The following AOX1 variants were observed in gnomAD, a reference collection of about 807,000 sequenced individuals.
AOX1 encodes the protein aldehyde oxidase.
Under a neutral mutation model 169.5 loss-of-function variants are expected in AOX1, and 153 were observed. That is an observed-to-expected ratio of 0.90 (90% CI 0.79 to 1.03). The LOEUF is 1.03. Ranked by LOEUF, AOX1 falls within the 50% of genes least tolerant of loss-of-function variation. The probability of loss-of-function intolerance (pLI) is 0.00; values close to 1 mark genes in which losing one functional copy is unlikely to be tolerated. For synonymous variants in AOX1, 562 were observed against 581.9 expected (o/e 0.97, Z 0.49); for missense variants, 1,656 against 1,663.9 (o/e 1.00, Z 0.08).
chr2:200,654,204 C>A (rs978032253), intron 26 of AOX1, among the ~76,000 whole-genome samples: 1 of 83,958 alleles, frequency 1.2e-5, no homozygotes, highest in African/African-American at 4.5e-5. Context: ...GAGACCCTGT[C>A]TCAAAAAAAA....
intron 15 of AOX1, 48 bp from the exon 16 acceptor site, chr2:200,615,923 T>G (rs376863047): frequency 5.0e-5 from 70 of 1,387,320 alleles, no homozygotes; most frequent in Non-Finnish European, 6.8e-5. Flanking sequence ...AAAATCATTC[T>G]GGTGCATTCA....
At chr2:200,590,069 T>G (rs2034136660) in intron 1 of AOX1, among the ~76,000 whole-genome samples, 1 of 152,184 alleles carries the variant, frequency 6.6e-6, no homozygotes, top group Admixed American at 6.5e-5. Context: ...TAACTGCATC[T>G]CACAGCATAC....
intron 12 of AOX1, among the ~76,000 whole-genome samples, chr2:200,610,014 A>C (rs2034601830): frequency 6.6e-6 from 1 of 151,836 alleles, no homozygotes; most frequent in Non-Finnish European, 1.5e-5. Flanking sequence ...AATATGGACT[A>C]GTTTTCTATC....
At chr2:200,629,896 C>A (rs188471763) in intron 20 of AOX1, among the ~76,000 whole-genome samples, 136 of 152,040 alleles carry the variant, frequency 8.9e-4, no homozygotes, top group African/African-American at 3.2e-3. Context: ...GCTGCATACC[C>A]CATTGATAAG....
chr2:200,645,017 C>T (rs765962246), intron 25 of AOX1, among the ~76,000 whole-genome samples: 3 of 152,092 alleles, frequency 2.0e-5, no homozygotes, highest in Non-Finnish European at 4.4e-5. Flanking sequence ...TTCTCTTTAC[C>T]GATTTGGATG....
chr2:200,586,254 A>G, intron 1 of AOX1, 101 bp downstream of exon 1: 1 of 1,232,736 alleles, frequency 8.1e-7, no homozygotes, highest in Non-Finnish European at 1.1e-6. Context: ...CCGCCGTTTA[A>G]GGCACTCAGG....
chr2:200,661,420 A>C (rs573949191), intron 29 of AOX1, among the ~76,000 whole-genome samples, 159 bp from the exon 30 acceptor site: 1 of 152,334 alleles, frequency 6.6e-6, no homozygotes, highest in African/African-American at 2.4e-5. Flanking sequence ...GCCGTGAACC[A>C]CAGAGGAGAA....
intron 10 of AOX1, among the ~76,000 whole-genome samples, chr2:200,608,310 A>G (rs944413705): frequency 5.9e-5 from 9 of 152,248 alleles, no homozygotes; most frequent in African/African-American, 1.9e-4. Flanking sequence ...CAACTATTCA[A>G]TGAAGGATAC....
chr2:200,610,899 G>A (rs1381547527), intron 12 of AOX1, among the ~76,000 whole-genome samples: 1 of 151,794 alleles, frequency 6.6e-6, no homozygotes, highest in Non-Finnish European at 1.5e-5. Flanking sequence ...TGTCATCCAG[G>A]CTGGAGTGCA....
In AOX1 at chr2:200,611,371, T is replaced by C; in HGVS notation, c.1154-13T>C. On this transcript the variant is annotated splice_polypyrimidine_tract_variant and intron_variant, in intron 12 of 34. Transcript: ENST00000374700. ...CAAACAGATCCCAGGGAAAGTGTCA[T>C]TTCTTTCCACAGAAGGAAAACGACA... 6.3e-7 allele frequency: 1 copy of C among 1,585,398 alleles called. No individual in the cohort carries two copies. The highest frequency in any genetic ancestry group is 8.7e-7 in the Non-Finnish European group (1 of 1,154,058).
At chr2:200,620,198 A>AGTTTTTTTTTTTTT (rs370920216) in intron 16 of AOX1, among the ~76,000 whole-genome samples, 1 of 120,912 alleles carries the variant, frequency 8.3e-6, no homozygotes. Flanking sequence ...ATTAATAGTG[A>AGTTTTTTTTTTTTT]CTTTTTTTTT....
At chr2:200,648,637 G>C (rs1408654722) in intron 25 of AOX1, among the ~76,000 whole-genome samples, 2 of 152,128 alleles carry the variant, frequency 1.3e-5, no homozygotes, top group African/African-American at 2.4e-5. Context: ...CGGTGGGCAG[G>C]GCCCTAGAAC....
rs150685936 is a variant in AOX1 at position 200,669,619 on chromosome 2, C to T, written c.3843C>T (p.Phe1281=). 102 of 1,613,716 alleles carry T rather than the reference C, an allele frequency of 6.3e-5. No individual in the cohort carries two copies. The highest frequency in any genetic ancestry group is 8.9e-5 in the East Asian group (4 of 44,856). ...SGVFLGCSVF[F]AIHDAVSAAR... is the part of the protein sequence containing the mutation. ...TGTTCCTGGGGTGTTCCGTGTTTTTCGCTATCCATGACGCAGTGAGTGCAG... is the reference window on the plus strand; with the variant it reads ...TGTTCCTGGGGTGTTCCGTGTTTTTTGCTATCCATGACGCAGTGAGTGCAG... Residue 1281 remains phenylalanine, a synonymous_variant, in exon 34 of 35, where the codon TTC becomes TTT. Transcript: ENST00000374700.
Position 200,621,293 on chromosome 2 carries a change from C to T in AOX1, c.2001+47C>T, listed in dbSNP as rs201218516. 3.9e-4 allele frequency: 620 copies of T among 1,594,506 alleles called. 1 individual carries two copies. Among genetic ancestry groups the T allele is most frequent in the South Asian group, 3.3e-3 (293 of 88,078 alleles). On this transcript the variant is annotated intron_variant, in intron 18 of 34. Transcript: ENST00000374700. ...TTTGAAAAATAACTTTCTCAGTTAA[C>T]GGTGCTTCATATTTTCTTAAAGATA...
At chr2:200,637,612 T>C (rs1332309155) in intron 22 of AOX1, among the ~76,000 whole-genome samples, 1 of 152,120 alleles carries the variant, frequency 6.6e-6, no homozygotes, top group Non-Finnish European at 1.5e-5. Context: ...TATGTATATA[T>C]GTGTATATAT....
Position 200,586,067 on chromosome 2 carries a change from C to T in AOX1, c.-42C>T. 1 of 1,547,388 alleles carries T rather than the reference C, an allele frequency of 6.5e-7. No homozygotes were observed. The highest frequency in any genetic ancestry group is 8.7e-7 in the Non-Finnish European group (1 of 1,146,758). ...AGGTGCCCGCTACTTCCCAGAACCTCCGCCTCCCGCTCCGGGCCCTCGAAC... is the reference window on the plus strand; with the variant it reads ...AGGTGCCCGCTACTTCCCAGAACCTTCGCCTCCCGCTCCGGGCCCTCGAAC... On this transcript the variant is annotated 5_prime_UTR_variant, in exon 1 of 35. Transcript: ENST00000374700.
chr2:200,638,089 C>T (rs916685848), intron 22 of AOX1, 126 bp from the exon 23 acceptor site: 2 of 757,134 alleles, frequency 2.6e-6, no homozygotes, highest in Non-Finnish European at 4.4e-6. Context: ...GATAGGCATG[C>T]GAAATAGTTG....
In AOX1 at chr2:200,668,585, G is replaced by A. The variant is rs369512479; in HGVS notation, c.3610-30G>A. On this transcript the variant is annotated intron_variant, in intron 32 of 34. Transcript: ENST00000374700. Reference sequence around the variant, plus strand: ...TAGTGTTGACTGTGTTTTCTCATACGTGGAAATTCTTTTTTTGTTCTTGCC... The same window carrying A: ...TAGTGTTGACTGTGTTTTCTCATACATGGAAATTCTTTTTTTGTTCTTGCC... The A allele has an allele frequency of 1.7e-4, 272 of 1,575,166 alleles. 3 individuals carry two copies. The East Asian group carries it at 5.6e-3, about 32-fold the overall frequency.
chr2:200,623,823 CT>C (rs1360423450), intron 18 of AOX1, 37 bp from the exon 19 acceptor site: 1 of 1,612,080 alleles, frequency 6.2e-7, no homozygotes, highest in Non-Finnish European at 8.5e-7. Context: ...GACCTGATGC[CT>C]GCCCTCCTTG....
Sources: gnomAD v4.1 joint callset for allele counts (sites outside exome capture counted in the v4.1 genomes callset) on GRCh38, gnomAD v4.1.1 for gene constraint, MANE v1.5 for transcripts, NCBI Gene and HGNC (gene_info 2026-07-23, HGNC 2026-07-21) for gene names.